The following IMMP1L variants were observed in gnomAD, a reference collection of about 807,000 sequenced individuals.
IMMP1L encodes the protein inner mitochondrial membrane peptidase subunit 1.
IMMP1L carries 24 observed loss-of-function variants against 21.8 expected under a neutral mutation model. That is an observed-to-expected ratio of 1.10 (90% CI 0.80 to 1.55). The LOEUF is 1.55. IMMP1L is among the 40% of genes most tolerant of loss of function. IMMP1L has a pLI of 0.00. For synonymous variants in IMMP1L, 46 were observed against 62.8 expected, an observed-to-expected ratio of 0.73 and a Z score of 1.26; for missense variants, 195 against 200.7, an observed-to-expected ratio of 0.97 and a Z score of 0.17.
intron 1 of IMMP1L, among the ~76,000 whole-genome samples, chr11:31,501,790 CAAATAAAT>C (rs55861509): frequency 7.4e-4 from 104 of 139,662 alleles, no homozygotes; most frequent in Middle Eastern, 7.0e-3. Context: ...CCCATCTCTA[CAAATAAAT>C]AAATAAATAA....
chr11:31,459,189 T>C (rs962737629), intron 3 of IMMP1L, among the ~76,000 whole-genome samples: 12 of 152,320 alleles, frequency 7.9e-5, no homozygotes, highest in Non-Finnish European at 1.8e-4. Context: ...CTAGGGAGCA[T>C]GCCAAACCAT....
At chr11:31,507,703 A>G (rs1241174892) in intron 1 of IMMP1L, among the ~76,000 whole-genome samples, 4 of 152,152 alleles carry the variant, frequency 2.6e-5, no homozygotes, top group African/African-American at 7.2e-5. Flanking sequence ...AAGATACATA[A>G]TATCAGTTAG....
At chr11:31,497,651 G>A (rs1166018405) in intron 1 of IMMP1L, among the ~76,000 whole-genome samples, 2 of 152,014 alleles carry the variant, frequency 1.3e-5, no homozygotes, top group East Asian at 1.9e-4. Flanking sequence ...TAGTAGAGAC[G>A]GGGTTTCAGC....
chr11:31,437,060 GA>G, intron 4 of IMMP1L: 1 of 369,198 alleles, frequency 2.7e-6, no homozygotes, highest in East Asian at 7.3e-5. Context: ...TATAAAACAA[GA>G]AAACCTCTAC....
intron 1 of IMMP1L, among the ~76,000 whole-genome samples, chr11:31,503,764 G>A (rs1483182123): frequency 1.3e-5 from 2 of 152,162 alleles, no homozygotes; most frequent in Non-Finnish European, 2.9e-5. Context: ...GTCAACTTAG[G>A]TGAGAAGGAA....
intron 1 of IMMP1L, among the ~76,000 whole-genome samples, chr11:31,508,470 T>C (rs1955863581): frequency 6.6e-6 from 1 of 152,204 alleles, no homozygotes; most frequent in African/African-American, 2.4e-5. Flanking sequence ...TTCCAGTTGA[T>C]ATATTGTGAA....
At chr11:31,453,657 T>C (rs1012454711) in intron 4 of IMMP1L, among the ~76,000 whole-genome samples, 1 of 152,170 alleles carries the variant, frequency 6.6e-6, no homozygotes, top group Non-Finnish European at 1.5e-5. Flanking sequence ...ATGGAACACA[T>C]TTGCTAAAGC....
In IMMP1L at chr11:31,432,557, C is replaced by T; in HGVS notation, c.444G>A (p.Leu148=). ...TGGCACGTAAAAATCCAAAATCACT[C>T]AGAGGCCAAATCTGTAAAATCAAAA... The part of the protein sequence containing the change: ...RGRIFFKIWP[L]SDFGFLRASP... The change falls in exon 6 of 6, where the codon CTG becomes CTA. Residue 148 remains leucine, a synonymous_variant. Transcript: ENST00000532287. 6.2e-7 allele frequency: 1 copy of T among 1,611,480 alleles called. No homozygotes were observed.
At chr11:31,478,158 G>A (rs1223090) in intron 1 of IMMP1L, among the ~76,000 whole-genome samples, 98,104 of 152,120 alleles carry the variant, frequency 0.64, 33,538 homozygotes, top group African/African-American at 0.89. Context: ...AATGATATCA[G>A]GGGACTATCC....
chr11:31,479,315 A>G (rs1954817274), intron 1 of IMMP1L, among the ~76,000 whole-genome samples: 1 of 151,998 alleles, frequency 6.6e-6, no homozygotes, highest in Non-Finnish European at 1.5e-5. Context: ...TATCTGTACA[A>G]TGTCTGATAA....
Position 31,452,501 on chromosome 11 carries a change from C to A in IMMP1L, c.321+3759G>T, listed in dbSNP as rs942863938. 6.1e-6 allele frequency: 6 copies of A among 985,252 alleles called. No individual in the cohort carries two copies. In the South Asian group the frequency reaches 2.8e-4, roughly 46 times the overall value. The allele number at this position is 985,252 out of a possible 1,614,324, so 61.0% of individuals were successfully genotyped here. ...TTATTTATTTCTTATTTGCTACATG[C>A]TCCTACTTCCAACTAAATTATTTTT... is the stretch of plus-strand genomic sequence containing the variant. On this transcript the variant is annotated intron_variant, in intron 4 of 5. Coordinates refer to ENST00000532287, the MANE Select transcript of IMMP1L (RefSeq NM_001304274.2).
At chr11:31,477,658 C>T (rs1474473219) in intron 1 of IMMP1L, 4 of 318,436 alleles carry the variant, frequency 1.3e-5, no homozygotes, top group African/African-American at 9.0e-5. Context: ...GAAGGTGTTA[C>T]CGATAATCCC....
chr11:31,433,494 G>T lies in IMMP1L; in HGVS notation c.398C>A (p.Pro133Gln), dbSNP rs554529749. The T allele has an allele frequency of 6.2e-7, 1 of 1,607,436 alleles. No individual in the cohort carries two copies. Among genetic ancestry groups the T allele is most frequent in the Non-Finnish European group, 8.5e-7 (1 of 1,176,068 alleles). Residue 133 changes from proline to glutamine, a missense_variant, in exon 5 of 6, where the codon CCA becomes CAA. By Grantham distance (76) the Pro-to-Gln change is moderately conservative (BLOSUM62 -1). Coordinates refer to ENST00000532287, the MANE Select transcript of IMMP1L (RefSeq NM_001304274.2). ...GATTCGTCCTCTTATTAGTCCATAT[G>T]GAATAGGTCCATAGCACCTGGAATC... The part of the protein sequence containing the change: ...STDSRCYGPI[P>Q]YGLIRGRIFF...
chr11:31,479,895 T>C (rs1270079692), intron 1 of IMMP1L, among the ~76,000 whole-genome samples: 2 of 152,034 alleles, frequency 1.3e-5, no homozygotes, highest in African/African-American at 4.8e-5. Context: ...ATAAGCTTAG[T>C]AAAGAAAGTA....
At chr11:31,483,023 A>T in intron 1 of IMMP1L, among the ~76,000 whole-genome samples, 1 of 152,074 alleles carries the variant, frequency 6.6e-6, no homozygotes, top group South Asian at 2.1e-4. Flanking sequence ...GATAAATCTT[A>T]AGACACTATG....
intron 2 of IMMP1L, among the ~76,000 whole-genome samples, chr11:31,461,883 C>A (rs935480634): frequency 6.6e-6 from 1 of 152,130 alleles, no homozygotes; most frequent in African/African-American, 2.4e-5. Context: ...AAATCTAAAT[C>A]CGACAGTCTC....
intron 1 of IMMP1L, among the ~76,000 whole-genome samples, chr11:31,500,025 T>G (rs1324329149): frequency 6.6e-6 from 1 of 152,136 alleles, no homozygotes; most frequent in South Asian, 2.1e-4. Flanking sequence ...AGTATGGAGG[T>G]TGGAGAGCTA....
chr11:31,501,017 T>TA (rs1169120683), intron 1 of IMMP1L, among the ~76,000 whole-genome samples: 3 of 152,196 alleles, frequency 2.0e-5, no homozygotes, highest in African/African-American at 7.2e-5. Flanking sequence ...TTAAAATAAC[T>TA]AAAATTAAAT....
chr11:31,442,212 A>G (rs2133567258), intron 4 of IMMP1L, among the ~76,000 whole-genome samples: 1 of 152,282 alleles, frequency 6.6e-6, no homozygotes, highest in African/African-American at 2.4e-5. Context: ...ACCTAATCTC[A>G]GGGCTGGACA....
Sources: gnomAD v4.1 joint callset for allele counts (sites outside exome capture counted in the v4.1 genomes callset) on GRCh38, gnomAD v4.1.1 for gene constraint, MANE v1.5 for transcripts, NCBI Gene and HGNC (gene_info 2026-07-23, HGNC 2026-07-21) for gene names.